COL21A1: variants seen among roughly 807,000 people sequenced by gnomAD.
COL21A1 encodes collagen alpha-1(XXI) chain.
Under a neutral mutation model 137.9 loss-of-function variants are expected in COL21A1, and 149 were observed. The observed-to-expected ratio is 1.08, with a 90% confidence interval of 0.95 to 1.24. The LOEUF is 1.24. Among genes scored for constraint, COL21A1 ranks in the 50% most tolerant of loss-of-function variants. The pLI, the probability that COL21A1 is intolerant of heterozygous loss-of-function variation, is 0.00. For synonymous variants in COL21A1, 456 were observed against 391.5 expected (o/e 1.16, Z -1.95); for missense variants, 1,167 against 1,158.4 (o/e 1.01, Z -0.11).
At chr6:56,238,402 T>C (rs1782047950) in intron 1 of COL21A1, among the ~76,000 whole-genome samples, 1 of 136,590 alleles carries the variant, frequency 7.3e-6, no homozygotes, top group Non-Finnish European at 1.5e-5. Flanking sequence ...GAGAAGGCAG[T>C]GGATGCTGAA....
intron 1 of COL21A1, among the ~76,000 whole-genome samples, chr6:56,374,148 C>A (rs963246725): frequency 7.2e-5 from 11 of 152,162 alleles, no homozygotes; most frequent in African/African-American, 2.4e-4. Context: ...TTCTTTTTGG[C>A]ACGACTTGTA....
At chr6:56,118,413 C>A (rs148037248) in intron 16 of COL21A1, among the ~76,000 whole-genome samples, 1 of 152,048 alleles carries the variant, frequency 6.6e-6, no homozygotes, top group East Asian at 1.9e-4. Context: ...GGACCAATAA[C>A]AAGTAACAAG....
At chr6:56,305,809 G>T (rs1764435098) in intron 1 of COL21A1, among the ~76,000 whole-genome samples, 2 of 151,134 alleles carry the variant, frequency 1.3e-5, no homozygotes, top group Non-Finnish European at 3.0e-5. Flanking sequence ...CTTATTAGTT[G>T]ATGCAGTTTC....
intron 1 of COL21A1, among the ~76,000 whole-genome samples, chr6:56,359,181 T>A (rs1765907887): frequency 6.6e-6 from 1 of 152,210 alleles, no homozygotes; most frequent in African/African-American, 2.4e-5. Context: ...TGATAATATT[T>A]TCTGAAAACA....
chr6:56,312,370 G>C (rs1156308235), intron 1 of COL21A1, among the ~76,000 whole-genome samples: 1 of 152,154 alleles, frequency 6.6e-6, no homozygotes, highest in Admixed American at 6.5e-5. Flanking sequence ...TTTGATGATT[G>C]ATTGGCCATG....
intron 1 of COL21A1, among the ~76,000 whole-genome samples, chr6:56,201,387 T>A (rs914531668): frequency 6.6e-6 from 1 of 152,172 alleles, no homozygotes; most frequent in African/African-American, 2.4e-5. Context: ...CCCATGCCTA[T>A]GTCCTGAATG....
At chr6:56,148,736 G>A (rs1775044982) in intron 10 of COL21A1, among the ~76,000 whole-genome samples, 1 of 152,078 alleles carries the variant, frequency 6.6e-6, no homozygotes, top group Non-Finnish European at 1.5e-5. Flanking sequence ...TACTCTGCAA[G>A]CCTAAGGGCT....
At chr6:56,367,287 T>A (rs576476469) in intron 1 of COL21A1, among the ~76,000 whole-genome samples, 10 of 152,324 alleles carry the variant, frequency 6.6e-5, no homozygotes, top group African/African-American at 2.4e-4. Flanking sequence ...TTTGCTTGCA[T>A]GTTCACGCCT....
chr6:56,191,462 G>A (rs1232199480), intron 1 of COL21A1, among the ~76,000 whole-genome samples: 1 of 150,460 alleles, frequency 6.6e-6, no homozygotes, highest in Non-Finnish European at 1.5e-5. Context: ...TGTGGTGGCA[G>A]TTGCCTGTAA....
chr6:56,077,684 GTATACATAT>G lies in COL21A1; in HGVS notation c.1813-120_1813-112del. 3 of 623,474 alleles carry G rather than the reference GTATACATAT, an allele frequency of 4.8e-6. No homozygotes were observed. In the South Asian group the frequency reaches 6.5e-5, roughly 13 times the overall value. The allele number at this position is 623,474 out of a possible 1,614,324, so 38.6% of individuals were successfully genotyped here. A position where few individuals can be genotyped will look rare whatever the true frequency, so the allele number is the denominator to read the frequency against. On this transcript the variant is annotated intron_variant, in intron 17 of 29. Coordinates refer to ENST00000244728, the MANE Select transcript of COL21A1 (RefSeq NM_030820.4). ...ACTGGTAAATAACATATTTTCAAAT[GTATACATAT>G]TATAATATTGCTATTTGTAATAATC...
At chr6:56,133,887 C>T (rs1029401249) in intron 12 of COL21A1, among the ~76,000 whole-genome samples, 1 of 152,204 alleles carries the variant, frequency 6.6e-6, no homozygotes, top group Non-Finnish European at 1.5e-5. Flanking sequence ...GGAACCTCCA[C>T]CTAGACTTCA....
At chr6:56,079,143 C>G (rs570999465) in intron 17 of COL21A1, among the ~76,000 whole-genome samples, 1 of 151,784 alleles carries the variant, frequency 6.6e-6, no homozygotes, top group South Asian at 2.1e-4. Context: ...TACCCACACA[C>G]GTGTGAAAAT....
At chr6:56,177,250 A>T (rs543011383) in intron 3 of COL21A1, among the ~76,000 whole-genome samples, 76 of 152,314 alleles carry the variant, frequency 5.0e-4, no homozygotes, top group African/African-American at 1.8e-3. Context: ...AAGATGGAAT[A>T]AACTGTGGTA....
intron 22 of COL21A1, among the ~76,000 whole-genome samples, chr6:56,068,190 G>A (rs915816113): frequency 5.9e-5 from 9 of 151,482 alleles, no homozygotes; most frequent in African/African-American, 1.9e-4. Flanking sequence ...AGAACAAAAA[G>A]CCCAAGGATC....
At chr6:56,086,208 A>G (rs915618497) in intron 17 of COL21A1, among the ~76,000 whole-genome samples, 1 of 152,036 alleles carries the variant, frequency 6.6e-6, no homozygotes, top group African/African-American at 2.4e-5. Flanking sequence ...TCTGCCTGTC[A>G]TGATTAAATG....
At chr6:56,237,973 A>G (rs1251651142) in intron 1 of COL21A1, among the ~76,000 whole-genome samples, 1 of 152,126 alleles carries the variant, frequency 6.6e-6, no homozygotes, top group Non-Finnish European at 1.5e-5. Flanking sequence ...TTTTTAGCTT[A>G]ATAGACTACG....
chr6:56,162,505 T>C (rs1776267438), intron 9 of COL21A1, among the ~76,000 whole-genome samples: 1 of 152,172 alleles, frequency 6.6e-6, no homozygotes, highest in South Asian at 2.1e-4. Flanking sequence ...TGAGTAAAAA[T>C]AGGTGACACT....
intron 12 of COL21A1, among the ~76,000 whole-genome samples, chr6:56,130,625 G>A (rs1773485785): frequency 6.6e-6 from 1 of 151,618 alleles, no homozygotes; most frequent in Non-Finnish European, 1.5e-5. Flanking sequence ...AGATGAAGTA[G>A]GAAGACTAGG....
At chr6:56,246,561 A>G (rs1037113948) in intron 1 of COL21A1, among the ~76,000 whole-genome samples, 24 of 151,962 alleles carry the variant, frequency 1.6e-4, no homozygotes, top group Non-Finnish European at 1.5e-5. Context: ...TGGTGAAGGG[A>G]AATTTGCAGG....
Sources: gnomAD v4.1 joint callset for allele counts (sites outside exome capture counted in the v4.1 genomes callset) on GRCh38, gnomAD v4.1.1 for gene constraint, MANE v1.5 for transcripts, NCBI Gene and HGNC (gene_info 2026-07-23, HGNC 2026-07-21) for gene names.